CNTN6: variants seen among roughly 807,000 people sequenced by gnomAD.
CNTN6 encodes the protein contactin-6.
Under a neutral mutation model 122.8 loss-of-function variants are expected in CNTN6, and 137 were observed. The observed-to-expected ratio is 1.12, with a 90% CI of 0.97 to 1.29. CNTN6 has a LOEUF of 1.29. CNTN6 is among the 50% of genes most tolerant of loss of function. CNTN6 has a pLI of 0.00. For missense variants in CNTN6, 1,634 were observed against 1,223.4 expected, an observed-to-expected ratio of 1.34 and a Z score of -5.01; for synonymous variants, 570 against 426.0, an observed-to-expected ratio of 1.34 and a Z score of -4.16.
chr3:1,327,546 A>T lies in CNTN6; in HGVS notation c.1173A>T (p.Lys391Asn). ...SGVYQCAAEN[K>N]YQIIYANAEL... ...TGTACCAATGTGCTGCAGAAAACAAATATCAGATAATTTATGCAAATGCTG... is the reference window on the plus strand; with the variant it reads ...TGTACCAATGTGCTGCAGAAAACAATTATCAGATAATTTATGCAAATGCTG... Residue 391 changes from lysine (K) to asparagine (N), a missense_variant, in exon 10 of 23, where the codon AAA becomes AAT. Physicochemically the swap from Lys to Asn is moderately conservative, Grantham distance 94 (BLOSUM62 0). Transcript: ENST00000446702. 6.2e-7 allele frequency: 1 copy of T among 1,610,820 alleles called. No individual in the cohort carries two copies. The highest frequency in any genetic ancestry group is 8.5e-7 in the Non-Finnish European group (1 of 1,178,066).
At chr3:1,181,858 A>C (rs2125340111) in intron 2 of CNTN6, among the ~76,000 whole-genome samples, 1 of 152,272 alleles carries the variant, frequency 6.6e-6, no homozygotes, top group Admixed American at 6.5e-5. Flanking sequence ...AAACTACTGA[A>C]TAGAATATTC....
intron 2 of CNTN6, among the ~76,000 whole-genome samples, chr3:1,218,421 A>G (rs1402046297): frequency 6.6e-6 from 1 of 152,110 alleles, no homozygotes; most frequent in Non-Finnish European, 1.5e-5. Context: ...GGGGTGAAGG[A>G]GGACATCCAC....
intron 4 of CNTN6, among the ~76,000 whole-genome samples, chr3:1,234,953 T>A (rs1283757016): frequency 6.6e-6 from 1 of 152,188 alleles, no homozygotes; most frequent in African/African-American, 2.4e-5. Context: ...TGTAAGCAGT[T>A]GCGTGGTTAA....
chr3:1,385,753 C>A lies in CNTN6; in HGVS notation c.2660C>A (p.Thr887Lys), dbSNP rs144858358. 1.2e-6 allele frequency: 2 copies of A among 1,613,756 alleles called. No individual in the cohort carries two copies. The highest frequency in any genetic ancestry group is 1.7e-6 in the Non-Finnish European group (2 of 1,179,834). The change falls in exon 20 of 23, where the codon ACA becomes AAA. Residue 887 changes from threonine to lysine, a missense_variant. By Grantham distance (78) the Thr-to-Lys change is moderately conservative. Transcript: ENST00000446702. ...GTAAGAGCTTACAACACTGCTGGGA[C>A]AGGGCCCTCAAGCCCCCCAGTCAAT... ...ASVRAYNTAG[T>K]GPSSPPVNVT...
At chr3:1,272,299 G>T (rs541706876) in intron 4 of CNTN6, among the ~76,000 whole-genome samples, 1 of 152,122 alleles carries the variant, frequency 6.6e-6, no homozygotes, top group African/African-American at 2.4e-5. Flanking sequence ...CATAGAAATT[G>T]GGTCAACTTT....
intron 5 of CNTN6, among the ~76,000 whole-genome samples, chr3:1,286,409 C>T (rs370058389): frequency 6.6e-6 from 1 of 152,062 alleles, no homozygotes; most frequent in African/African-American, 2.4e-5. Context: ...CATGTGTTCT[C>T]ATTGTTCAAC....
rs779558869 is a variant in CNTN6, at chr3:1,102,970, G to A, written c.-83+9850G>A. ...AAAATACAAGAAATTAGCCGGGCGT[G>A]GTGGCGGCGCCTGTGGTCCCAGCTA... On this transcript the variant is annotated intron_variant, in intron 1 of 22. Coordinates refer to ENST00000446702, the MANE Select transcript of CNTN6 (RefSeq NM_001289080.2). 1.1e-4 allele frequency among the ~76,000 whole-genome samples: 17 copies of A among 149,666 alleles called. No individual in the cohort carries two copies. The South Asian group carries it at 1.7e-3, about 15-fold the overall frequency.
At chr3:1,099,190 G>T (rs981810550) in intron 1 of CNTN6, among the ~76,000 whole-genome samples, 1 of 152,022 alleles carries the variant, frequency 6.6e-6, no homozygotes, top group East Asian at 1.9e-4. Flanking sequence ...AGTGGCTCAC[G>T]CCTGTAATCC....
intron 1 of CNTN6, among the ~76,000 whole-genome samples, chr3:1,108,668 G>A (rs1266673530): frequency 6.6e-6 from 1 of 152,022 alleles, no homozygotes; most frequent in Non-Finnish European, 1.5e-5. Context: ...GCTCTAAGGA[G>A]TCTTTGCCAG....
chr3:1,202,382 T>C (rs887334925), intron 2 of CNTN6, among the ~76,000 whole-genome samples: 2 of 151,288 alleles, frequency 1.3e-5, no homozygotes, highest in Admixed American at 6.6e-5. Flanking sequence ...CTACTAAAAA[T>C]ACAAGAAATC....
chr3:1,308,960 T>C (rs755165610), intron 7 of CNTN6, among the ~76,000 whole-genome samples: 8 of 152,190 alleles, frequency 5.3e-5, no homozygotes, highest in Non-Finnish European at 7.3e-5. Flanking sequence ...TTATATCTTT[T>C]CTACATTTTT....
chr3:1,171,818 G>A (rs1019087370), intron 2 of CNTN6, among the ~76,000 whole-genome samples: 4 of 152,002 alleles, frequency 2.6e-5, no homozygotes, highest in Non-Finnish European at 5.9e-5. Context: ...TGTTGCCTAG[G>A]CTGGTCTTGA....
intron 1 of CNTN6, among the ~76,000 whole-genome samples, chr3:1,102,675 C>G (rs989871216): frequency 2.7e-5 from 4 of 149,578 alleles, no homozygotes; most frequent in African/African-American, 7.3e-5. Flanking sequence ...TTGCAGTGAG[C>G]AGAGATGGCG....
intron 12 of CNTN6, among the ~76,000 whole-genome samples, chr3:1,354,802 C>G (rs754883174): frequency 1.3e-5 from 2 of 151,354 alleles, no homozygotes; most frequent in Non-Finnish European, 3.0e-5. Context: ...TCTTAGGACA[C>G]TTTGCAAAAA....
intron 2 of CNTN6, among the ~76,000 whole-genome samples, chr3:1,158,877 C>CACACACATATATATACAT (rs2093050285): frequency 9.0e-6 from 1 of 110,600 alleles, no homozygotes; most frequent in African/African-American, 4.5e-5. Context: ...CATATATATA[C>CACACACATATATATACAT]ACATATATAC....
chr3:1,387,951 A>T (rs371498184), intron 20 of CNTN6, among the ~76,000 whole-genome samples: 37 of 152,170 alleles, frequency 2.4e-4, no homozygotes, highest in Middle Eastern at 3.4e-3. Flanking sequence ...CAGCAGTCTG[A>T]GATCAAACTG....
intron 3 of CNTN6, among the ~76,000 whole-genome samples, chr3:1,226,654 T>C (rs1427254654): frequency 6.6e-6 from 1 of 152,186 alleles, no homozygotes; most frequent in Non-Finnish European, 1.5e-5. Flanking sequence ...TCTGCAGGAC[T>C]GTCTACTCTT....
intron 12 of CNTN6, among the ~76,000 whole-genome samples, chr3:1,355,627 A>G (rs1288459113): frequency 6.6e-6 from 1 of 151,774 alleles, no homozygotes; most frequent in African/African-American, 2.4e-5. Flanking sequence ...AGTAATATTC[A>G]TATGATTGCT....
intron 5 of CNTN6, among the ~76,000 whole-genome samples, chr3:1,288,716 C>T (rs1694778981): frequency 6.6e-6 from 1 of 152,164 alleles, no homozygotes; most frequent in Non-Finnish European, 1.5e-5. Flanking sequence ...AGATATTTTT[C>T]CTCTAATAAA....
Sources: gnomAD v4.1 joint callset for allele counts (sites outside exome capture counted in the v4.1 genomes callset) on GRCh38, gnomAD v4.1.1 for gene constraint, MANE v1.5 for transcripts, NCBI Gene and HGNC (gene_info 2026-07-23, HGNC 2026-07-21) for gene names.